The following SVIL variants were observed in gnomAD, a reference collection of about 807,000 sequenced individuals.
SVIL encodes the protein supervillin.
In SVIL, 101 loss-of-function variants were observed where a neutral mutation model predicts 240.4. The observed-to-expected ratio is 0.42, with a 90% CI of 0.36 to 0.50. The LOEUF is 0.50. Ranked by LOEUF, SVIL falls within the 20% of genes least tolerant of loss-of-function variation. The pLI, the probability that SVIL is intolerant of heterozygous loss-of-function variation, is 0.01. For synonymous variants in SVIL, 999 were observed against 1,100.0 expected, an observed-to-expected ratio of 0.91 and a Z score of 1.82; for missense variants, 2,512 against 2,818.7, an observed-to-expected ratio of 0.89 and a Z score of 2.46.
In SVIL at chr10:29,484,902, T is replaced by C; in HGVS notation, c.4780-71A>G. On this transcript the variant is annotated intron_variant, in intron 26 of 37. Transcript: ENST00000355867. The surrounding 1 kb of genome is among the most constrained non-coding windows in gnomAD (Gnocchi z 4.7). Reference sequence around the variant, plus strand: ...AACAGTTGAATCAGGTGCAACAGGGTCTCTTGTTGACAGTGAGTCAAACGG... The same window carrying C: ...AACAGTTGAATCAGGTGCAACAGGGCCTCTTGTTGACAGTGAGTCAAACGG... 3 of 1,478,428 alleles carry C rather than the reference T, an allele frequency of 2.0e-6. No homozygotes were observed. In the Admixed American group the frequency reaches 6.1e-5, roughly 30 times the overall value. The allele number at this position is 1,478,428 out of a possible 1,614,324, so 91.6% of individuals were successfully genotyped here. A position where few individuals can be genotyped will look rare whatever the true frequency, so the allele number is the denominator to read the frequency against.
chr10:29,499,752 A>T (rs186383440), intron 17 of SVIL, among the ~76,000 whole-genome samples: 77 of 152,308 alleles, frequency 5.1e-4, no homozygotes, highest in African/African-American at 1.7e-3. Context: ...GTTAGGAATA[A>T]GGGGCAGGAG....
intron 1 of SVIL, among the ~76,000 whole-genome samples, chr10:29,710,358 A>G (rs1408214256): frequency 6.6e-6 from 1 of 152,134 alleles, no homozygotes; most frequent in African/African-American, 2.4e-5. Flanking sequence ...CGCCCAGCCA[A>G]CCATTCCTGT....
chr10:29,638,466 CAA>C (rs1383425311), upstream of SVIL, among the ~76,000 whole-genome samples: 5 of 128,180 alleles, frequency 3.9e-5, no homozygotes, highest in South Asian at 2.5e-4. Flanking sequence ...AACTCTGTCT[CAA>C]AAAAAAAAAA....
Position 29,473,877 on chromosome 10 carries a change from C to G in SVIL, c.5490G>C (p.Ala1830=). ...CCTCGTCCAGCTCCACCGTCATCAG[C>G]GCCGACGTGCCCTTCTCACTCACGG... ...HSTVSEKGTS[A]LMTVELDEER... The change falls in exon 30 of 38, where the codon GCG becomes GCC. Residue 1830 remains alanine, a synonymous_variant. Transcript: ENST00000355867. 1 of 1,614,008 alleles carries G rather than the reference C, an allele frequency of 6.2e-7. No individual in the cohort carries two copies. The highest frequency in any genetic ancestry group is 1.3e-5 in the African/African-American group (1 of 75,004).
chr10:29,537,860 A>G (rs1461696227), intron 6 of SVIL, among the ~76,000 whole-genome samples: 1 of 152,156 alleles, frequency 6.6e-6, no homozygotes, highest in Non-Finnish European at 1.5e-5. Flanking sequence ...TGCTACTCCT[A>G]AAACTATCAC....
At chr10:29,622,183 G>A (rs1017277956) in intron 1 of SVIL, among the ~76,000 whole-genome samples, 21 of 146,432 alleles carry the variant, frequency 1.4e-4, no homozygotes, top group African/African-American at 5.1e-4. Context: ...CCGGGAGGCG[G>A]AGCTTGCAGT....
chr10:29,502,058 T>C (rs1171145895), intron 17 of SVIL, among the ~76,000 whole-genome samples: 1 of 152,172 alleles, frequency 6.6e-6, no homozygotes, highest in Non-Finnish European at 1.5e-5. Context: ...GATACAAACT[T>C]TGGGATGATA....
In SVIL at chr10:29,547,580, A is replaced by C. The variant is rs74132325; in HGVS notation, c.827+3017T>G. 6.5e-3 allele frequency among the ~76,000 whole-genome samples: 988 copies of C among 152,314 alleles called. 13 individuals are homozygous for C. The highest frequency in any genetic ancestry group is 0.022 in the African/African-American group (921 of 41,584). ...TTATTACAGGCCTAAATATGTCAACAATGCTTTTTTCTAGGTCTTAAGACA... is the reference window on the plus strand; with the variant it reads ...TTATTACAGGCCTAAATATGTCAACCATGCTTTTTTCTAGGTCTTAAGACA... On this transcript the variant is annotated intron_variant, in intron 6 of 37. Coordinates refer to ENST00000355867, the MANE Select transcript of SVIL (RefSeq NM_021738.3).
At chr10:29,704,909 T>C (rs762504116) in intron 1 of SVIL, among the ~76,000 whole-genome samples, 11 of 152,164 alleles carry the variant, frequency 7.2e-5, no homozygotes, top group Non-Finnish European at 1.2e-4. Flanking sequence ...TAACTCCTAC[T>C]ACATTTAAAG....
chr10:29,515,812 G>A (rs143889327), intron 16 of SVIL, among the ~76,000 whole-genome samples: 22 of 152,218 alleles, frequency 1.4e-4, no homozygotes, highest in African/African-American at 3.9e-4. Context: ...CTATGTCATC[G>A]GACGATTTCC....
rs141184706 is a variant in SVIL, at chr10:29,551,153, C to T, written c.271G>A (p.Gly91Ser). Residue 91 changes from glycine (G) to serine (S), a missense_variant, in exon 6 of 38, where the codon GGT becomes AGT. Around this residue, in one of 3 missense-constraint regions of SVIL, gnomAD observed 1,443 missense variants for 1,486.6 expected, o/e 0.97. Transcript: ENST00000355867. ...TCCAGACTGTGGGTGTCCATGGTAC[C>T]CGAACCATAGGGTGAGTCACCGTGG... ...GVHGDSPYGS[G>S]TMDTHSLESK... The T allele has an allele frequency of 1.5e-5, 24 of 1,613,926 alleles. No homozygotes were observed. Among genetic ancestry groups the T allele is most frequent in the Non-Finnish European group, 1.9e-5 (22 of 1,180,028 alleles).
intron 1 of SVIL, among the ~76,000 whole-genome samples, chr10:29,609,484 A>G (rs1268215405): frequency 2.0e-5 from 3 of 152,196 alleles, no homozygotes; most frequent in African/African-American, 7.2e-5. Flanking sequence ...GGGCTGAAAC[A>G]TGTCCCCCCA....
intron 6 of SVIL, among the ~76,000 whole-genome samples, chr10:29,541,269 A>G (rs1952132844): frequency 1.3e-5 from 2 of 152,238 alleles, no homozygotes; most frequent in Admixed American, 6.5e-5. Context: ...TGAACACAGG[A>G]TACTTACTGT....
At chr10:29,713,363 A>G (rs2132673701) in intron 1 of SVIL, among the ~76,000 whole-genome samples, 1 of 152,228 alleles carries the variant, frequency 6.6e-6, no homozygotes, top group African/African-American at 2.4e-5. Flanking sequence ...GAGGAGTTAT[A>G]CAACTATTAG....
intron 34 of SVIL, among the ~76,000 whole-genome samples, chr10:29,464,361 C>A (rs1944635936): frequency 6.6e-6 from 1 of 152,140 alleles, no homozygotes; most frequent in Non-Finnish European, 1.5e-5. Flanking sequence ...ATCGCTTGAG[C>A]CCAAGAGTTA....
chr10:29,603,863 A>G (rs1265683412), intron 1 of SVIL, among the ~76,000 whole-genome samples: 1 of 152,238 alleles, frequency 6.6e-6, no homozygotes, highest in Admixed American at 6.5e-5. Flanking sequence ...GATGTCATAC[A>G]TAAAGTCAGG....
intron 6 of SVIL, among the ~76,000 whole-genome samples, chr10:29,546,409 G>T (rs115984990): frequency 1.3e-5 from 2 of 151,996 alleles, no homozygotes; most frequent in Non-Finnish European, 2.9e-5. Context: ...GAATTCCTGG[G>T]CATCTAACAG....
At chr10:29,515,929 C>T (rs1178456574) in intron 16 of SVIL, among the ~76,000 whole-genome samples, 4 of 152,082 alleles carry the variant, frequency 2.6e-5, no homozygotes, top group Admixed American at 6.6e-5. Context: ...GCACGGCGAC[C>T]CCTAAGACAC....
intron 1 of SVIL, among the ~76,000 whole-genome samples, chr10:29,586,726 C>G (rs1347153224): frequency 4.6e-5 from 7 of 152,180 alleles, no homozygotes; most frequent in African/African-American, 7.2e-5. Context: ...AAGAACGAAA[C>G]TATGTCCTCT....
Sources: gnomAD v4.1 joint callset for allele counts (sites outside exome capture counted in the v4.1 genomes callset) on GRCh38, gnomAD v4.1.1 for gene constraint, gnomAD v4.1.1 regional missense constraint, Gnocchi (gnomAD v3.1) non-coding constraint, MANE v1.5 for transcripts, NCBI Gene and HGNC (gene_info 2026-07-23, HGNC 2026-07-21) for gene names.